Variants in GDF9 observed in about 807,000 individuals in gnomAD.
The protein encoded by GDF9 is growth/differentiation factor 9.
A neutral mutation model predicts 33.8 loss-of-function variants in GDF9; 30 were observed. The ratio of observed to expected loss-of-function variants is 0.89; its 90% CI spans 0.66 to 1.20. The LOEUF (loss-of-function observed/expected upper bound fraction) is 1.20. Ranked by LOEUF, GDF9 falls within the 50% of genes most tolerant of loss-of-function variation. The pLI, the probability that GDF9 is intolerant of heterozygous loss-of-function variation, is 0.00. For missense variants in GDF9, 556 were observed against 543.7 expected, an observed-to-expected ratio of 1.02 and a Z score of -0.22; for synonymous variants, 205 against 200.7, an observed-to-expected ratio of 1.02 and a Z score of -0.18.
Position 132,864,190 on chromosome 5 carries a change from C to A in GDF9, c.344G>T (p.Arg115Leu). 6.2e-7 allele frequency: 1 copy of A among 1,614,124 alleles called. No individual in the cohort carries two copies. The highest frequency in any genetic ancestry group is 8.5e-7 in the Non-Finnish European group (1 of 1,180,014). ...GTGCCGGGTACAGGGGGTGAAGAGCCGAACAGTGTTGTAGAGGTGACTTCT... is the reference window on the plus strand; with the variant it reads ...GTGCCGGGTACAGGGGGTGAAGAGCAGAACAGTGTTGTAGAGGTGACTTCT... ...SNRSHLYNTV[R>L]LFTPCTRHKQ... is the part of the protein sequence containing the mutation. The change falls in exon 1 of 2, where the codon CGG (arginine) becomes CTG (leucine). Residue 115 changes from arginine to leucine, a missense_variant. Arg to Leu is a moderately radical substitution (Grantham distance 102). Coordinates refer to ENST00000687138, the MANE Select transcript of GDF9 (RefSeq NM_005260.7).
rs61754582 is a variant in GDF9, at chr5:132,861,594, G to T, written c.1360C>A (p.Arg454Ser). 2 of 1,613,402 alleles carry T rather than the reference G, an allele frequency of 1.2e-6. No individual in the cohort carries two copies. The highest frequency in any genetic ancestry group is 1.7e-6 in the Non-Finnish European group (2 of 1,179,422). Residue 454 changes from arginine to serine, a missense_variant, in exon 2 of 2, where the codon CGT becomes AGT. By Grantham distance (110) the Arg-to-Ser change is moderately radical (BLOSUM62 -1). Coordinates refer to ENST00000687138, the MANE Select transcript of GDF9 (RefSeq NM_005260.7). ...GGTTTTAAGAGGACCATTTGTTAAC[G>T]ACAGGTGCACTTTGTAGCTATCATA... ...EDMIATKCTC[R>S] is the part of the protein sequence containing the mutation.
chr5:132,866,617 G>A (rs562291224), upstream of GDF9: 7 of 563,996 alleles, frequency 1.2e-5, no homozygotes, highest in South Asian at 4.1e-5. Context: ...CTCCAAGAGC[G>A]GCTTCCAACC....
chr5:132,861,386 TAAAA>T lies in GDF9; in HGVS notation c.*199_*202del, dbSNP rs1229080185. 1.1e-5 allele frequency: 6 copies of T among 555,312 alleles called. No homozygotes were observed. Among genetic ancestry groups the T allele is most frequent in the African/African-American group, 1.9e-5 (1 of 53,000 alleles). The allele number at this position is 555,312 out of a possible 1,614,324, so 34.4% of individuals were successfully genotyped here. ...ATTATATTTCATTTAAATTTGGAAA[TAAAA>T]AAAGGCTCTGTAGCAACAATTGATG... On this transcript the variant is annotated 3_prime_UTR_variant, in exon 2 of 2. Coordinates refer to ENST00000687138, the MANE Select transcript of GDF9 (RefSeq NM_005260.7).
rs2150051369 is a variant in GDF9, at chr5:132,865,280, G to T, written c.-747C>A. The T allele has an allele frequency of 6.6e-6, 1 of 152,422 alleles. No individual in the cohort carries two copies. Among genetic ancestry groups the T allele is most frequent in the African/African-American group, 2.4e-5 (1 of 41,554 alleles). 9.4% of individuals were successfully genotyped at this position (152,422 alleles called of 1,614,324 possible). ...CTTTAACCTTGACTTATTTTTAAATGTAACATACTGATGTCCTTACTTTGG... is the reference window on the plus strand; with the variant it reads ...CTTTAACCTTGACTTATTTTTAAATTTAACATACTGATGTCCTTACTTTGG... On this transcript the variant is annotated 5_prime_UTR_variant, in exon 1 of 2. The change creates a premature stop within an existing upstream ORF in the 5' untranslated region. Coordinates refer to ENST00000687138, the MANE Select transcript of GDF9 (RefSeq NM_005260.7).
In GDF9 at chr5:132,861,357, AATAATT is replaced by A; in HGVS notation, c.*226_*231del. On this transcript the variant is annotated 3_prime_UTR_variant, in exon 2 of 2. Transcript: ENST00000687138. ...AGGAAAAAAATGTAAAGTTCTCCAC[AATAATT>A]ATATTTCATTTAAATTTGGAAATAA... The A allele has an allele frequency of 1.9e-6, 1 of 512,966 alleles. No individual in the cohort carries two copies. Among genetic ancestry groups the A allele is most frequent in the Non-Finnish European group, 3.5e-6 (1 of 288,086 alleles). 31.8% of individuals were successfully genotyped at this position (512,966 alleles called of 1,614,324 possible).
In GDF9 at chr5:132,862,258, G is replaced by C. The variant is rs1433369723; in HGVS notation, c.696C>G (p.His232Gln). The C allele has an allele frequency of 2.1e-5, 34 of 1,613,524 alleles. No individual in the cohort carries two copies. The highest frequency in any genetic ancestry group is 2.8e-5 in the Non-Finnish European group (33 of 1,179,508). ...PLVASNKRSI[H>Q]MSINFTCMKD... ...TCATGCAAGTAAAATTTATAGACAT[G>C]TGAATACTTCTCTTGTTGGAGGCCA... is the stretch of plus-strand genomic sequence containing the variant. The change falls in exon 2 of 2, where the codon CAC (histidine) becomes CAG (glutamine). Residue 232 changes from histidine to glutamine, a missense_variant. By Grantham distance (24) the His-to-Gln change is conservative. Coordinates refer to ENST00000687138, the MANE Select transcript of GDF9 (RefSeq NM_005260.7).
chr5:132,862,927 C>A (rs897042654), intron 1 of GDF9, among the ~76,000 whole-genome samples: 1 of 152,172 alleles, frequency 6.6e-6, no homozygotes, highest in Non-Finnish European at 1.5e-5. Context: ...CTCCCAGGTG[C>A]AACTGATCCT....
rs1397855359 is a variant in GDF9 at position 132,864,992 on chromosome 5, G to A, written c.-459C>T. ...TTCATGACGATACTCAGATCTGCTG[G>A]TATGCAACTTATGGTATTAGGTTTA... On this transcript the variant is annotated 5_prime_UTR_variant, in exon 1 of 2. Transcript: ENST00000687138. 1 of 169,300 alleles carries A rather than the reference G, an allele frequency of 5.9e-6. No individual in the cohort carries two copies. Among genetic ancestry groups the A allele is most frequent in the Non-Finnish European group, 1.3e-5 (1 of 77,536 alleles). The allele number at this position is 169,300 out of a possible 1,614,324, so 10.5% of individuals were successfully genotyped here.
In GDF9 at chr5:132,861,698, C is replaced by T. The variant is rs369636792; in HGVS notation, c.1256G>A (p.Cys419Tyr). 3.7e-6 allele frequency: 6 copies of T among 1,612,860 alleles called. No individual in the cohort carries two copies. The Admixed American group carries it at 8.3e-5, about 22-fold the overall frequency. The change falls in exon 2 of 2, where the codon TGT becomes TAT. Residue 419 changes from cysteine (C) to tyrosine (Y), a missense_variant. By Grantham distance (194) the Cys-to-Tyr change is radical. Transcript: ENST00000687138. ...KLDSSVPRPS[C>Y]VPAKYSPLSV... ...CAAGGGGCTGTATTTGGCAGGTACACATGACGGTCTTGGCACTGAGGAGTC... is the reference window on the plus strand; with the variant it reads ...CAAGGGGCTGTATTTGGCAGGTACATATGACGGTCTTGGCACTGAGGAGTC...
Position 132,861,715 on chromosome 5 carries a change from TGAG to T in GDF9, c.1236_1238del (p.Ser413del). ...CAGGTACACATGACGGTCTTGGCAC[TGAG>T]GAGTCCAGCTTCTCATAGATGATGT... On this transcript the variant is annotated inframe_deletion, in exon 2 of 2. Coordinates refer to ENST00000687138, the MANE Select transcript of GDF9 (RefSeq NM_005260.7). 6.2e-7 allele frequency: 1 copy of T among 1,613,448 alleles called. No homozygotes were observed. The highest frequency in any genetic ancestry group is 2.2e-5 in the East Asian group (1 of 44,886).
Position 132,865,471 on chromosome 5 carries a change from G to A in GDF9, c.-938C>T, listed in dbSNP as rs1482009300. The A allele has an allele frequency of 6.6e-5, 10 of 152,144 alleles. No homozygotes were observed. Among genetic ancestry groups the A allele is most frequent in the African/African-American group, 2.4e-4 (10 of 41,418 alleles). 9.4% of individuals were successfully genotyped at this position (152,144 alleles called of 1,614,324 possible). ...TGTTCTTGCCTTGGAGCTGAGACCA[G>A]GCTAGACATTATGGTTTAAAAAAAT... On this transcript the variant is annotated 5_prime_UTR_variant, in exon 1 of 2. Transcript: ENST00000687138.
chr5:132,861,892 C>T lies in GDF9; in HGVS notation c.1062G>A (p.Glu354=), dbSNP rs1185824125. 6.2e-7 allele frequency: 1 copy of T among 1,613,602 alleles called. No individual in the cohort carries two copies. Among genetic ancestry groups the T allele is most frequent in the Non-Finnish European group, 8.5e-7 (1 of 1,179,508 alleles). ...RQFLLPQNEC[E]LHDFRLSFSQ... is the part of the protein sequence containing the mutation. ...TAAAGCTAAGTCTAAAGTCATGGAG[C>T]TCACACTCATTTTGGGGAAGAAGAA... The change falls in exon 2 of 2, where the codon GAG becomes GAA. Residue 354 remains glutamate, a synonymous_variant. Transcript: ENST00000687138.
rs1206976482 is a variant in GDF9 at position 132,862,487 on chromosome 5, G to A, written c.467C>T (p.Ser156Leu). Residue 156 changes from serine to leucine, a missense_variant, in exon 2 of 2, where the codon TCA becomes TTA. By Grantham distance (145) the Ser-to-Leu change is moderately radical. Transcript: ENST00000687138. ...GTTGTTGATATTGTACAGCAAGACT[G>A]ACTTGAGTAAGTGTTCAACGGTAGT... is the stretch of plus-strand genomic sequence containing the variant. ...RITTVEHLLKSVLLYNINNSV... is the reference protein window; with the variant it reads ...RITTVEHLLKLVLLYNINNSV... 1.2e-6 allele frequency: 2 copies of A among 1,612,118 alleles called. No homozygotes were observed. Among genetic ancestry groups the A allele is most frequent in the Non-Finnish European group, 8.5e-7 (1 of 1,178,656 alleles).
At position 132,862,259 on chromosome 5, in the gene GDF9, TG is replaced by T; in HGVS notation, c.694del (p.His232ThrfsTer4). 6.2e-7 allele frequency: 1 copy of T among 1,613,682 alleles called. No individual in the cohort carries two copies. The highest frequency in any genetic ancestry group is 1.1e-5 in the South Asian group (1 of 91,082). The part of the protein sequence containing the change: ...PLVASNKRSI[H>X]MSINFTCMKD... ...CATGCAAGTAAAATTTATAGACATG[TG>T]AATACTTCTCTTGTTGGAGGCCACT... On this transcript the variant is annotated frameshift_variant, in exon 2 of 2. Coordinates refer to ENST00000687138, the MANE Select transcript of GDF9 (RefSeq NM_005260.7). LOFTEE classifies it high-confidence loss of function.
Position 132,864,756 on chromosome 5 carries a change from T to C in GDF9, c.-223A>G, listed in dbSNP as rs1759499327. ...CCAATTTGTTAATTAGATACAGATT[T>C]ACTTGGTTATTTAGCTTTCCTCTCT... On this transcript the variant is annotated 5_prime_UTR_variant, in exon 1 of 2. Transcript: ENST00000687138. The C allele has an allele frequency of 1.8e-6, 1 of 561,846 alleles. No individual in the cohort carries two copies. Among genetic ancestry groups the C allele is most frequent in the African/African-American group, 1.9e-5 (1 of 53,390 alleles). 34.8% of individuals were successfully genotyped at this position (561,846 alleles called of 1,614,324 possible).
Position 132,862,087 on chromosome 5 carries a change from CT to C in GDF9, c.866del (p.Gln289ArgfsTer40). 1 of 1,614,054 alleles carries C rather than the reference CT, an allele frequency of 6.2e-7. No homozygotes were observed. The highest frequency in any genetic ancestry group is 8.5e-7 in the Non-Finnish European group (1 of 1,179,910). ...ACAGACTTCTCTCCTGGTCAGGACC[CT>C]GGGAAGGCCTCCTTTTATAGTGAAG... is the stretch of plus-strand genomic sequence containing the variant. ...YSLHYKRRPS[Q>X]GPDQERSLSA... On this transcript the variant is annotated frameshift_variant, in exon 2 of 2. Transcript: ENST00000687138. LOFTEE classifies it high-confidence loss of function.
In GDF9 at chr5:132,861,635, T is replaced by C. The variant is rs976692105; in HGVS notation, c.1319A>G (p.Tyr440Cys). 5.6e-6 allele frequency: 9 copies of C among 1,611,784 alleles called. No individual in the cohort carries two copies. Among genetic ancestry groups the C allele is most frequent in the South Asian group, 2.2e-5 (2 of 91,058 alleles). ...AGCTATCATATCTTCGTACTCTTTA[T>C]AGGCAATTGAGCCATCGGGCTCAAT... Reference protein sequence around the residue: ...LTIEPDGSIAYKEYEDMIATK... With the variant: ...LTIEPDGSIACKEYEDMIATK... Residue 440 changes from tyrosine to cysteine, a missense_variant, in exon 2 of 2, where the codon TAT (tyrosine) becomes TGT (cysteine). Physicochemically the swap from Tyr to Cys is radical, Grantham distance 194. Coordinates refer to ENST00000687138, the MANE Select transcript of GDF9 (RefSeq NM_005260.7).
upstream of GDF9, chr5:132,866,478 G>A: frequency 3.8e-6 from 1 of 265,650 alleles, no homozygotes; most frequent in Non-Finnish European, 7.4e-6. Flanking sequence ...CCACCCCACC[G>A]GCCCGGGCAG....
In GDF9 at chr5:132,864,185, A is replaced by C. The variant is rs1249049041; in HGVS notation, c.349T>G (p.Phe117Val). Reference protein sequence around the residue: ...RSHLYNTVRLFTPCTRHKQAP... With the variant: ...RSHLYNTVRLVTPCTRHKQAP... ...TGCTTGTGCCGGGTACAGGGGGTGAAGAGCCGAACAGTGTTGTAGAGGTGA... is the reference window on the plus strand; with the variant it reads ...TGCTTGTGCCGGGTACAGGGGGTGACGAGCCGAACAGTGTTGTAGAGGTGA... The change falls in exon 1 of 2, where the codon TTC becomes GTC. Residue 117 changes from phenylalanine (F) to valine (V), a missense_variant. Coordinates refer to ENST00000687138, the MANE Select transcript of GDF9 (RefSeq NM_005260.7). 6.2e-7 allele frequency: 1 copy of C among 1,614,194 alleles called. No homozygotes were observed. The highest frequency in any genetic ancestry group is 1.6e-4 in the Middle Eastern group (1 of 6,062).
Sources: gnomAD v4.1 joint callset for allele counts (sites outside exome capture counted in the v4.1 genomes callset) on GRCh38, gnomAD v4.1.1 for gene constraint, MANE v1.5 for transcripts, NCBI Gene and HGNC (gene_info 2026-07-23, HGNC 2026-07-21) for gene names.